CEP170B: variants seen among roughly 807,000 people sequenced by gnomAD.
The protein encoded by CEP170B is centrosomal protein 170B.
A neutral mutation model predicts 120.6 loss-of-function variants in CEP170B; 55 were observed. The ratio of observed to expected loss-of-function variants is 0.46; its 90% confidence interval spans 0.37 to 0.57. The LOEUF is 0.57. Among genes scored for constraint, CEP170B ranks in the 20% least tolerant of loss-of-function variants. CEP170B has a pLI of 0.00. For missense variants in CEP170B, 2,212 were observed against 2,253.3 expected, an observed-to-expected ratio of 0.98 and a Z score of 0.37; for synonymous variants, 1,033 against 954.5, an observed-to-expected ratio of 1.08 and a Z score of -1.52.
In CEP170B at chr14:104,889,689, ACGACGATGAGGAGGAG is replaced by A; in HGVS notation, c.3811_3826del (p.Asp1271LeufsTer19). The A allele has an allele frequency of 6.2e-7, 1 of 1,612,088 alleles. No individual in the cohort carries two copies. Among genetic ancestry groups the A allele is most frequent in the Non-Finnish European group, 8.5e-7 (1 of 1,179,700 alleles). On this transcript the variant is annotated frameshift_variant, in exon 13 of 19. Transcript: ENST00000414716. LOFTEE classifies it high-confidence loss of function. ...CGGGCCCCCGGCCCCCGGGACACGG[ACGACGATGAGGAGGAG>A]CCTGACCCTTATGGTTTCATCGTGC... is the stretch of plus-strand genomic sequence containing the variant.
rs1217190733 is a variant in CEP170B at position 104,884,395 on chromosome 14, G to C, written c.1616G>C (p.Gly539Ala). ...ACACCCCATGGGACCAGCCCCGTGGGCCCCCCGACCCCACCGCCCGCCCCC... is the reference window on the plus strand; with the variant it reads ...ACACCCCATGGGACCAGCCCCGTGGCCCCCCCGACCCCACCGCCCGCCCCC... The part of the protein sequence containing the change: ...PLTPHGTSPV[G>A]PPTPPPAPTD... Residue 539 changes from glycine to alanine, a missense_variant, in exon 9 of 19, where the codon GGC becomes GCC. Around this residue, in one of 2 missense-constraint regions of CEP170B, gnomAD observed 2,166 missense variants for 2,166.7 expected, o/e 1.00. Transcript: ENST00000414716. 7.1e-6 allele frequency: 11 copies of C among 1,546,898 alleles called. No individual in the cohort carries two copies. Among genetic ancestry groups the C allele is most frequent in the Non-Finnish European group, 9.6e-6 (11 of 1,146,286 alleles).
At position 104,886,494 on chromosome 14, in the gene CEP170B, G is replaced by A. The variant is rs767810140; in HGVS notation, c.2255G>A (p.Gly752Glu). 26 of 1,519,358 alleles carry A rather than the reference G, an allele frequency of 1.7e-5. 1 individual carries two copies. In the South Asian group the frequency reaches 3.3e-4, roughly 19 times the overall value. 94.1% of individuals were successfully genotyped at this position (1,519,358 alleles called of 1,614,324 possible). ...LDPDSLSDAS[G>E]SDGGRGPEPG... ...CCTGACAGCCTCAGCGATGCCAGTG[G>A]GTCGGACGGGGGCCGAGGCCCCGAG... Residue 752 changes from glycine to glutamate, a missense_variant, in exon 12 of 19, where the codon GGG (glycine) becomes GAG (glutamate). Transcript: ENST00000414716.
At chr14:104,892,748 A>G (rs957191936) in intron 13 of CEP170B, among the ~76,000 whole-genome samples, 1 of 152,100 alleles carries the variant, frequency 6.6e-6, no homozygotes, top group Non-Finnish European at 1.5e-5. Flanking sequence ...GCCCCCCACC[A>G]TCCCTCCTTG....
rs755558054 is a variant in CEP170B, at chr14:104,886,729, C to G, written c.2490C>G (p.Pro830=). The G allele has an allele frequency of 1.7e-5, 28 of 1,606,142 alleles. No homozygotes were observed. The African/African-American group carries it at 3.2e-4, about 18-fold the overall frequency. Residue 830 remains proline (P), a synonymous_variant, in exon 12 of 19, where the codon CCC becomes CCG. Coordinates refer to ENST00000414716, the MANE Select transcript of CEP170B (RefSeq NM_001112726.3). ...EGLGQTAQPS[P]PARDGVYVSA... ...TAGGGCAGACAGCCCAGCCCAGCCC[C>G]CCAGCACGGGATGGCGTCTATGTCA...
rs948141432 is a variant in CEP170B, at chr14:104,896,666, G to C, written c.*1708G>C. On this transcript the variant is annotated 3_prime_UTR_variant, in exon 19 of 19. Coordinates refer to ENST00000414716, the MANE Select transcript of CEP170B (RefSeq NM_001112726.3). ...TGTACATTCGTTCTCAGGTGGTCTT[G>C]TGGCTGTCTTTCGGAAAATGGTTAT... 1 of 456,158 alleles carries C rather than the reference G, an allele frequency of 2.2e-6. No homozygotes were observed. The highest frequency in any genetic ancestry group is 1.5e-5 in the South Asian group (1 of 64,546). 28.3% of individuals were successfully genotyped at this position (456,158 alleles called of 1,614,324 possible).
rs1361396474 is a variant in CEP170B at position 104,891,775 on chromosome 14, G to A, written c.3879-1201G>A. On this transcript the variant is annotated intron_variant, in intron 13 of 18. Coordinates refer to ENST00000414716, the MANE Select transcript of CEP170B (RefSeq NM_001112726.3). This position sits in a 1 kb window ranked among gnomAD's most constrained non-coding sequence, Gnocchi z 4.3. ...AGCTGGAGCATGCCATATGACGGGG[G>A]CAGGAGGCCAGGGAGTGCTGGGCGG... is the stretch of plus-strand genomic sequence containing the variant. Among the ~76,000 whole-genome samples the A allele has an allele frequency of 1.3e-5, 2 of 152,096 alleles. No homozygotes were observed. The highest frequency in any genetic ancestry group is 4.8e-5 in the African/African-American group (2 of 41,396).
intron 4 of CEP170B, 28 bp downstream of exon 4, chr14:104,877,991 C>T: frequency 1.3e-6 from 2 of 1,571,940 alleles, no homozygotes; most frequent in Non-Finnish European, 1.7e-6. Context: ...GTCCCTCCTC[C>T]TGGGCTTCTT....
chr14:104,895,005 C>A lies in CEP170B; in HGVS notation c.*47C>A. The A allele has an allele frequency of 6.8e-7, 1 of 1,465,340 alleles. No individual in the cohort carries two copies. 90.8% of individuals were successfully genotyped at this position (1,465,340 alleles called of 1,614,324 possible). ...GCCTCCCTGTGCGTGTGCGTCTCTGCCTTCCGTCCGCCGCACACCCGCCTG... is the reference window on the plus strand; with the variant it reads ...GCCTCCCTGTGCGTGTGCGTCTCTGACTTCCGTCCGCCGCACACCCGCCTG... On this transcript the variant is annotated 3_prime_UTR_variant, in exon 19 of 19. Coordinates refer to ENST00000414716, the MANE Select transcript of CEP170B (RefSeq NM_001112726.3).
At chr14:104,875,309 G>A (rs571766421) in intron 2 of CEP170B, among the ~76,000 whole-genome samples, 1 of 152,366 alleles carries the variant, frequency 6.6e-6, no homozygotes, top group East Asian at 1.9e-4. Flanking sequence ...TCTTGTGGGT[G>A]TGCTGCCTGG....
At chr14:104,872,480 CGTGTGTGCCGTGT>C (rs1566852787) in intron 2 of CEP170B, among the ~76,000 whole-genome samples, 35 of 73,436 alleles carry the variant, frequency 4.8e-4, no homozygotes, top group South Asian at 1.3e-3. Flanking sequence ...CGTGTGTGTG[CGTGTGTGCCGTGT>C]GTGTGTGCGT....
intron 14 of CEP170B, 97 bp downstream of exon 14, chr14:104,893,232 C>T (rs769742455): frequency 3.0e-5 from 40 of 1,337,942 alleles, no homozygotes; most frequent in Non-Finnish European, 3.8e-5. Flanking sequence ...GGCTGAGGCC[C>T]TGCTGCACAT....
In CEP170B at chr14:104,889,042, C is replaced by T. The variant is rs116008466; in HGVS notation, c.3740-578C>T. 6.1e-3 allele frequency among the ~76,000 whole-genome samples: 934 copies of T among 152,324 alleles called. 7 individuals are homozygous for T. The highest frequency in any genetic ancestry group is 0.021 in the African/African-American group (882 of 41,562). ...GAGGCCAGGACTCTGCCCAGGAGGG[C>T]GGAACCTGAAGCTTTGGGTCTGACA... On this transcript the variant is annotated intron_variant, in intron 12 of 18. Coordinates refer to ENST00000414716, the MANE Select transcript of CEP170B (RefSeq NM_001112726.3).
Position 104,886,548 on chromosome 14 carries a change from G to T in CEP170B, c.2309G>T (p.Arg770Leu). ...EPGVEPQDSR[R>L]RSPQEGPTWS... ...GGGGTGGAGCCACAGGACAGCAGAC[G>T]CAGGAGCCCCCAGGAGGGGCCCACG... The change falls in exon 12 of 19, where the codon CGC becomes CTC. Residue 770 changes from arginine to leucine, a missense_variant. This residue lies in a region of CEP170B where 2,166 missense variants were observed against 2,166.7 expected (regional missense o/e 1.00). Transcript: ENST00000414716. 1 of 1,279,462 alleles carries T rather than the reference G, an allele frequency of 7.8e-7. No homozygotes were observed. Among genetic ancestry groups the T allele is most frequent in the Middle Eastern group, 2.2e-4 (1 of 4,448 alleles). The allele number at this position is 1,279,462 out of a possible 1,614,324, so 79.3% of individuals were successfully genotyped here. A position where few individuals can be genotyped will look rare whatever the true frequency, so the allele number is the denominator to read the frequency against.
chr14:104,879,804 G>A (rs776208074), intron 5 of CEP170B, among the ~76,000 whole-genome samples: 3 of 152,138 alleles, frequency 2.0e-5, no homozygotes, highest in Non-Finnish European at 4.4e-5. Flanking sequence ...GCATCTCCTC[G>A]CCCTCACTTG....
At chr14:104,877,697 T>C (rs1372712789) in intron 3 of CEP170B, among the ~76,000 whole-genome samples, 188 bp from the exon 4 acceptor site, 1 of 152,150 alleles carries the variant, frequency 6.6e-6, no homozygotes. Flanking sequence ...GCCATGGCTG[T>C]GGAACTTGGG....
intron 16 of CEP170B, 55 bp from the exon 17 acceptor site, chr14:104,894,225 CCTCAG>C: frequency 2.3e-6 from 3 of 1,310,940 alleles, no homozygotes; most frequent in Non-Finnish European, 3.3e-6. Context: ...GAGAATTGTG[CCTCAG>C]CTCTGTCATC....
intron 16 of CEP170B, 129 bp from the exon 17 acceptor site, chr14:104,894,156 G>T: frequency 1.3e-6 from 1 of 761,968 alleles, no homozygotes; most frequent in Non-Finnish European, 2.2e-6. Flanking sequence ...TCAGGCCTCA[G>T]TTTCCCCCTT....
intron 6 of CEP170B, among the ~76,000 whole-genome samples, chr14:104,880,821 T>C (rs1424359023): frequency 1.3e-5 from 2 of 150,220 alleles, no homozygotes; most frequent in Non-Finnish European, 3.0e-5. Context: ...CCCATACTGC[T>C]CACCCCTGTG....
chr14:104,886,519 G>T lies in CEP170B; in HGVS notation c.2280G>T (p.Glu760Asp). The T allele has an allele frequency of 2.0e-6, 3 of 1,515,938 alleles. No individual in the cohort carries two copies. The highest frequency in any genetic ancestry group is 1.8e-6 in the Non-Finnish European group (2 of 1,135,234). The allele number at this position is 1,515,938 out of a possible 1,614,324, so 93.9% of individuals were successfully genotyped here. A position where few individuals can be genotyped will look rare whatever the true frequency, so the allele number is the denominator to read the frequency against. ...ASGSDGGRGP[E>D]PGVEPQDSRR... ...GGTCGGACGGGGGCCGAGGCCCCGAGCCAGGGGTGGAGCCACAGGACAGCA... is the reference window on the plus strand; with the variant it reads ...GGTCGGACGGGGGCCGAGGCCCCGATCCAGGGGTGGAGCCACAGGACAGCA... Residue 760 changes from glutamate (E) to aspartate (D), a missense_variant, in exon 12 of 19, where the codon GAG (glutamate) becomes GAT (aspartate). This residue lies in a region of CEP170B where 2,166 missense variants were observed against 2,166.7 expected (regional missense o/e 1.00). Transcript: ENST00000414716.
Sources: allele counts gnomAD v4.1 joint callset (sites outside exome capture counted in the v4.1 genomes callset), GRCh38; gene constraint gnomAD v4.1.1; regional missense constraint gnomAD v4.1.1; non-coding constraint Gnocchi (gnomAD v3.1); transcripts MANE v1.5; gene names NCBI Gene and HGNC (gene_info 2026-07-23, HGNC 2026-07-21).